SPAG16: variants seen among roughly 807,000 people sequenced by gnomAD.
SPAG16 encodes sperm-associated antigen 16 protein.
In SPAG16, 86 loss-of-function variants were observed where a neutral mutation model predicts 80.4. That is an observed-to-expected ratio of 1.07 (90% CI 0.90 to 1.28). SPAG16 has a LOEUF of 1.28. Among genes scored for constraint, SPAG16 ranks in the 50% most tolerant of loss-of-function variants. The pLI is 0.00. For missense variants in SPAG16, 870 were observed against 765.3 expected (o/e 1.14, Z -1.61); for synonymous variants, 294 against 265.9 (o/e 1.11, Z -1.03).
At chr2:214,301,265 C>T (rs1312422531) in intron 15 of SPAG16, among the ~76,000 whole-genome samples, 1 of 150,830 alleles carries the variant, frequency 6.6e-6, no homozygotes, top group Non-Finnish European at 1.5e-5. Flanking sequence ...ATCCAACATC[C>T]CTTCATGATA....
At chr2:213,701,315 G>A (rs1023810095) in intron 10 of SPAG16, among the ~76,000 whole-genome samples, 4 of 152,202 alleles carry the variant, frequency 2.6e-5, no homozygotes, top group Non-Finnish European at 5.9e-5. Flanking sequence ...GGACGTAGGA[G>A]TCTCAAAAAT....
At chr2:213,406,188 GC>G (rs1201247377) in intron 9 of SPAG16, among the ~76,000 whole-genome samples, 1 of 152,108 alleles carries the variant, frequency 6.6e-6, no homozygotes, top group African/African-American at 2.4e-5. Context: ...GGATAGTGGA[GC>G]TTTGTAGTAG....
chr2:213,344,750 G>A (rs535839776), intron 6 of SPAG16, among the ~76,000 whole-genome samples: 13 of 152,120 alleles, frequency 8.5e-5, no homozygotes, highest in African/African-American at 1.2e-4. Context: ...TGGTGTATAT[G>A]TGCCACATTT....
intron 1 of SPAG16, among the ~76,000 whole-genome samples, chr2:213,294,420 T>C (rs913985143): frequency 4.6e-5 from 7 of 152,198 alleles, no homozygotes; most frequent in African/African-American, 1.2e-4. Flanking sequence ...GAATCTGTTC[T>C]ACAGTAATAG....
chr2:213,433,351 T>C (rs912387180), intron 9 of SPAG16, among the ~76,000 whole-genome samples: 2 of 152,156 alleles, frequency 1.3e-5, no homozygotes, highest in African/African-American at 4.8e-5. Context: ...GATTAGAAAA[T>C]TCTAAAGATT....
At chr2:213,653,746 T>A (rs1004412465) in intron 10 of SPAG16, among the ~76,000 whole-genome samples, 1 of 152,180 alleles carries the variant, frequency 6.6e-6, no homozygotes, top group Non-Finnish European at 1.5e-5. Flanking sequence ...ATTATTTTTT[T>A]CCTTTGGAAC....
intron 14 of SPAG16, among the ~76,000 whole-genome samples, chr2:214,138,716 C>T (rs1377834468): frequency 6.6e-6 from 1 of 152,120 alleles, no homozygotes; most frequent in Non-Finnish European, 1.5e-5. Context: ...GAAGATTACA[C>T]ATGTATATGC....
In SPAG16 at chr2:213,444,365, A is replaced by T. The variant is rs78191477; in HGVS notation, c.943-45598A>T. Among the ~76,000 whole-genome samples, 1,355 of 152,220 alleles carry T rather than the reference A, an allele frequency of 8.9e-3. 15 individuals are homozygous for T. The highest frequency in any genetic ancestry group is 0.03 in the African/African-American group (1,265 of 41,536). Reference sequence around the variant, plus strand: ...ATATTTTATCAGTTTCCCAGTTTTTAGGGGTTTATCAACTAGTTTTGAGAT... The same window carrying T: ...ATATTTTATCAGTTTCCCAGTTTTTTGGGGTTTATCAACTAGTTTTGAGAT... On this transcript the variant is annotated intron_variant, in intron 9 of 15. Transcript: ENST00000331683.
intron 10 of SPAG16, among the ~76,000 whole-genome samples, chr2:213,697,646 CT>C (rs1463741744): frequency 6.6e-6 from 1 of 152,152 alleles, no homozygotes; most frequent in Non-Finnish European, 1.5e-5. Flanking sequence ...ACCTACATAA[CT>C]GTAAGATAAT....
chr2:213,968,746 A>G (rs770507004), intron 12 of SPAG16, among the ~76,000 whole-genome samples: 79 of 152,230 alleles, frequency 5.2e-4, no homozygotes, highest in Non-Finnish European at 9.4e-4. Context: ...ATTTCTATGA[A>G]TATCAGATTC....
intron 10 of SPAG16, among the ~76,000 whole-genome samples, chr2:213,819,570 C>T (rs1276761577): frequency 6.6e-6 from 1 of 151,704 alleles, no homozygotes; most frequent in African/African-American, 2.4e-5. Flanking sequence ...TTCCCAGAAG[C>T]GTCTACTTCT....
intron 15 of SPAG16, among the ~76,000 whole-genome samples, chr2:214,221,927 A>G (rs1042872247): frequency 5.3e-5 from 8 of 152,048 alleles, no homozygotes; most frequent in African/African-American, 1.9e-4. Flanking sequence ...TAAAATTGGT[A>G]AACTGCCAAT....
At chr2:213,951,203 TTAAG>T (rs2079759213) in intron 12 of SPAG16, among the ~76,000 whole-genome samples, 1 of 152,116 alleles carries the variant, frequency 6.6e-6, no homozygotes, top group South Asian at 2.1e-4. Context: ...TAAATCCTGA[TTAAG>T]TAAGGAAATT....
intron 15 of SPAG16, among the ~76,000 whole-genome samples, chr2:214,284,590 T>C (rs980394931): frequency 2.0e-5 from 3 of 152,174 alleles, no homozygotes; most frequent in Non-Finnish European, 2.9e-5. Flanking sequence ...AAAAAGTGTA[T>C]ATTCATTTGG....
At chr2:213,463,495 C>T (rs530936163) in intron 9 of SPAG16, among the ~76,000 whole-genome samples, 1 of 152,336 alleles carries the variant, frequency 6.6e-6, no homozygotes, top group East Asian at 1.9e-4. Flanking sequence ...CTGTGTGCAG[C>T]CTAGGTCTTG....
At chr2:213,910,005 A>G (rs2077593664) in intron 11 of SPAG16, among the ~76,000 whole-genome samples, 1 of 152,222 alleles carries the variant, frequency 6.6e-6, no homozygotes, top group African/African-American at 2.4e-5. Flanking sequence ...TTTCTAATAT[A>G]ATAATTTTAT....
rs537822321 is a variant in SPAG16 at position 214,228,561 on chromosome 2, T to C, written c.1720+79295T>C. ...CTGTTTAACCATTATAAAATAACAGTAGACTATATCAATGGTTCTCAAAGT... is the reference window on the plus strand; with the variant it reads ...CTGTTTAACCATTATAAAATAACAGCAGACTATATCAATGGTTCTCAAAGT... On this transcript the variant is annotated intron_variant, in intron 15 of 15. Coordinates refer to ENST00000331683, the MANE Select transcript of SPAG16 (RefSeq NM_024532.5). Among the ~76,000 whole-genome samples, 5 of 151,966 alleles carry C rather than the reference T, an allele frequency of 3.3e-5. No individual in the cohort carries two copies. The South Asian group carries it at 1.0e-3, about 31-fold the overall frequency.
chr2:213,924,982 T>C (rs913897554), intron 11 of SPAG16, among the ~76,000 whole-genome samples: 4 of 152,226 alleles, frequency 2.6e-5, no homozygotes, highest in African/African-American at 9.6e-5. Context: ...TTTTTTCTTA[T>C]ACTGGTTTGG....
At chr2:213,466,669 G>T (rs978375027) in intron 9 of SPAG16, among the ~76,000 whole-genome samples, 2 of 152,184 alleles carry the variant, frequency 1.3e-5, no homozygotes, top group Admixed American at 6.5e-5. Context: ...TAGATTTTGA[G>T]ATCTTATGTC....
Sources: gnomAD v4.1 joint callset for allele counts (sites outside exome capture counted in the v4.1 genomes callset) on GRCh38, gnomAD v4.1.1 for gene constraint, MANE v1.5 for transcripts, NCBI Gene and HGNC (gene_info 2026-07-23, HGNC 2026-07-21) for gene names.